Variants in KLHL32 observed in about 807,000 individuals in gnomAD.
The protein encoded by KLHL32 is kelch like family member 32.
KLHL32 carries 35 observed loss-of-function variants against 64.8 expected under a neutral mutation model. That is an observed-to-expected ratio of 0.54 (90% CI 0.41 to 0.72). The LOEUF (loss-of-function observed/expected upper bound fraction) is 0.72. KLHL32 is among the 30% of genes least tolerant of loss of function. The probability of loss-of-function intolerance (pLI) is 0.00; values close to 1 mark genes in which losing one functional copy is unlikely to be tolerated. For synonymous variants in KLHL32, 259 were observed against 281.0 expected (o/e 0.92, Z 0.78); for missense variants, 589 against 768.5 (o/e 0.77, Z 2.76).
chr6:96,946,909 G>A (rs1771989117), intron 1 of KLHL32, among the ~76,000 whole-genome samples: 1 of 152,152 alleles, frequency 6.6e-6, no homozygotes, highest in Admixed American at 6.5e-5. Flanking sequence ...AAAATGAGCT[G>A]TGAATTGTAG....
At chr6:97,122,566 A>T (rs920537105) in intron 7 of KLHL32, among the ~76,000 whole-genome samples, 1 of 152,208 alleles carries the variant, frequency 6.6e-6, no homozygotes, top group Non-Finnish European at 1.5e-5. Flanking sequence ...ACTAATAGGA[A>T]CTTGCACTTA....
intron 3 of KLHL32, among the ~76,000 whole-genome samples, chr6:96,981,221 C>G (rs1562211636): frequency 6.6e-6 from 1 of 152,136 alleles, no homozygotes. Context: ...CTTCTTCTTA[C>G]TGATTCAATT....
intron 4 of KLHL32, among the ~76,000 whole-genome samples, chr6:97,050,619 A>G (rs1786734138): frequency 6.6e-6 from 1 of 152,220 alleles, no homozygotes; most frequent in Non-Finnish European, 1.5e-5. Context: ...AGACTCTATT[A>G]CATTAATCTA....
At chr6:97,060,125 A>G (rs1788635044) in intron 4 of KLHL32, among the ~76,000 whole-genome samples, 1 of 152,204 alleles carries the variant, frequency 6.6e-6, no homozygotes, top group African/African-American at 2.4e-5. Context: ...ACATAGACCA[A>G]GAAGCAGGTA....
intron 4 of KLHL32, among the ~76,000 whole-genome samples, chr6:97,046,982 C>T (rs374235205): frequency 2.0e-5 from 3 of 152,096 alleles, no homozygotes; most frequent in Non-Finnish European, 4.4e-5. Context: ...ATGAAATGTA[C>T]GTATTTTAAG....
chr6:97,024,281 A>C (rs1266576573), intron 3 of KLHL32, among the ~76,000 whole-genome samples: 1 of 152,230 alleles, frequency 6.6e-6, no homozygotes, highest in African/African-American at 2.4e-5. Context: ...CTGGCTGACT[A>C]TGAGCAGCCA....
chr6:97,011,363 G>T (rs1373580346), intron 3 of KLHL32, among the ~76,000 whole-genome samples: 1 of 152,216 alleles, frequency 6.6e-6, no homozygotes, highest in African/African-American at 2.4e-5. Context: ...AGAAGCCAGT[G>T]AATTATGCCC....
At chr6:97,045,423 G>C (rs576537443) in intron 4 of KLHL32, among the ~76,000 whole-genome samples, 1 of 152,234 alleles carries the variant, frequency 6.6e-6, no homozygotes, top group East Asian at 1.9e-4. Context: ...CCCATCTCTA[G>C]AGTAAGATTG....
At position 97,067,546 on chromosome 6, in the gene KLHL32, C is replaced by A. The variant is rs75562999; in HGVS notation, c.411+2820C>A. On this transcript the variant is annotated intron_variant, in intron 5 of 10. Transcript: ENST00000369261. Reference sequence around the variant, plus strand: ...AGCCTCAATCTGTGGTAACCCATGGCCCCCAGACCATCACTATCTTTCCCA... The same window carrying A: ...AGCCTCAATCTGTGGTAACCCATGGACCCCAGACCATCACTATCTTTCCCA... 1.0e-2 allele frequency among the ~76,000 whole-genome samples: 1,519 copies of A among 152,148 alleles called. 26 individuals carry two copies. Among genetic ancestry groups the A allele is most frequent in the African/African-American group, 0.035 (1,434 of 41,490 alleles).
At chr6:97,079,264 G>T (rs1175949503) in intron 5 of KLHL32, among the ~76,000 whole-genome samples, 1 of 152,144 alleles carries the variant, frequency 6.6e-6, no homozygotes, top group Non-Finnish European at 1.5e-5. Flanking sequence ...CCACTCTGCT[G>T]CAGATGAGAC....
At chr6:96,925,652 T>G (rs73758061) in intron 1 of KLHL32, among the ~76,000 whole-genome samples, 4,820 of 152,292 alleles carry the variant, frequency 0.032, 248 homozygotes, top group African/African-American at 0.11. Context: ...GATGATTTAA[T>G]TGTGTTTCCC....
At chr6:96,932,618 G>A (rs1770073126) in intron 1 of KLHL32, among the ~76,000 whole-genome samples, 1 of 140,902 alleles carries the variant, frequency 7.1e-6, no homozygotes, top group Admixed American at 7.6e-5. Flanking sequence ...ACCCAGGCTG[G>A]AGTGCAGTGG....
chr6:96,959,524 G>A (rs901630812), intron 1 of KLHL32, among the ~76,000 whole-genome samples: 2 of 152,178 alleles, frequency 1.3e-5, no homozygotes, highest in African/African-American at 4.8e-5. Flanking sequence ...GTATTTGCAT[G>A]TGTTTTAATC....
chr6:97,113,765 C>T lies in KLHL32; in HGVS notation c.628-18C>T, dbSNP rs554215305. 1.4e-5 allele frequency: 23 copies of T among 1,603,498 alleles called. No individual in the cohort carries two copies. The South Asian group carries it at 2.2e-4, about 15-fold the overall frequency. On this transcript the variant is annotated intron_variant, in intron 6 of 10. Coordinates refer to ENST00000369261, the MANE Select transcript of KLHL32 (RefSeq NM_052904.4). ...CTTACCTTTGTGTCTCCTCTCATCT[C>T]ACTTCCCTCTGTTTCAGCTAGCTGT...
At chr6:96,905,223 G>T in the KLHL32 span, among the ~76,000 whole-genome samples, 1 of 152,096 alleles carries the variant, frequency 6.6e-6, no homozygotes, top group African/African-American at 2.4e-5. Flanking sequence ...AAATACTCAA[G>T]AAATCATTTT....
At chr6:97,078,340 T>C (rs1484550335) in intron 5 of KLHL32, among the ~76,000 whole-genome samples, 1 of 152,204 alleles carries the variant, frequency 6.6e-6, no homozygotes, top group African/African-American at 2.4e-5. Flanking sequence ...TGCCTATCTT[T>C]ATCTATAGTA....
At chr6:97,028,964 C>T (rs934680359) in intron 3 of KLHL32, among the ~76,000 whole-genome samples, 23 of 152,192 alleles carry the variant, frequency 1.5e-4, no homozygotes, top group Non-Finnish European at 5.9e-5. Context: ...CCATAGGGAT[C>T]TGAGAGGGCA....
chr6:97,021,653 C>T (rs1299936688), intron 3 of KLHL32, among the ~76,000 whole-genome samples: 2 of 150,850 alleles, frequency 1.3e-5, no homozygotes, highest in African/African-American at 5.0e-5. Flanking sequence ...ACACCTGTGG[C>T]AAGTCAAATT....
intron 4 of KLHL32, among the ~76,000 whole-genome samples, chr6:97,055,795 CTAAAA>C (rs1459757606): frequency 3.2e-5 from 1 of 31,282 alleles, no homozygotes; most frequent in African/African-American, 2.7e-4. Flanking sequence ...GAGAACCTGT[CTAAAA>C]AAAAAAAAAA....
Sources: allele counts gnomAD v4.1 joint callset (sites outside exome capture counted in the v4.1 genomes callset), GRCh38; gene constraint gnomAD v4.1.1; transcripts MANE v1.5; gene names NCBI Gene and HGNC (gene_info 2026-07-23, HGNC 2026-07-21).